The following NEBL variants were observed in gnomAD, a reference collection of about 807,000 sequenced individuals.
NEBL encodes nebulette.
In NEBL, 122 loss-of-function variants were observed where a neutral mutation model predicts 140.2. That is an observed-to-expected ratio of 0.87 (90% CI 0.75 to 1.01). NEBL has a LOEUF of 1.01. NEBL is among the 50% of genes least tolerant of loss of function. NEBL has a pLI of 0.00. For synonymous variants in NEBL, 436 were observed against 398.9 expected (o/e 1.09, Z -1.11); for missense variants, 1,365 against 1,231.3 (o/e 1.11, Z -1.62).
At chr10:20,911,273 A>G (rs1848322301) in intron 4 of NEBL, among the ~76,000 whole-genome samples, 1 of 152,222 alleles carries the variant, frequency 6.6e-6, no homozygotes, top group Non-Finnish European at 1.5e-5. Flanking sequence ...AGTAAATTCT[A>G]TCAGGATCCC....
chr10:21,115,189 T>C (rs879853769), intron 2 of NEBL, among the ~76,000 whole-genome samples: 7 of 152,034 alleles, frequency 4.6e-5, no homozygotes, highest in Admixed American at 3.9e-4. Flanking sequence ...TTTTTCCCTT[T>C]TGCCCCTTCC....
intron 22 of NEBL, among the ~76,000 whole-genome samples, chr10:20,815,027 T>C (rs1157477235): frequency 6.6e-6 from 1 of 152,202 alleles, no homozygotes; most frequent in Non-Finnish European, 1.5e-5. Flanking sequence ...TGAAACTGAT[T>C]AGGTGTAAGA....
chr10:21,164,468 C>T (rs899716337), intron 2 of NEBL, among the ~76,000 whole-genome samples: 2 of 152,178 alleles, frequency 1.3e-5, no homozygotes, highest in Admixed American at 1.3e-4. Context: ...AATCAATATA[C>T]CTTTAAGCAC....
At chr10:20,812,015 C>G (rs994855272) in intron 24 of NEBL, among the ~76,000 whole-genome samples, 5 of 152,158 alleles carry the variant, frequency 3.3e-5, no homozygotes, top group African/African-American at 1.2e-4. Flanking sequence ...AAAGTTTGCT[C>G]TCTTAATTGC....
At chr10:21,115,405 C>A (rs534115637) in intron 2 of NEBL, among the ~76,000 whole-genome samples, 118 of 152,104 alleles carry the variant, frequency 7.8e-4, no homozygotes, top group Admixed American at 5.0e-3. Flanking sequence ...TGTCTAAAAG[C>A]CTTCTGTTAA....
chr10:20,905,868 T>C (rs1444707032), intron 4 of NEBL, among the ~76,000 whole-genome samples: 1 of 152,150 alleles, frequency 6.6e-6, no homozygotes. Context: ...AAATCACTTA[T>C]CCTAACACAA....
chr10:21,028,567 G>A (rs1022671099), intron 2 of NEBL, among the ~76,000 whole-genome samples: 1 of 152,034 alleles, frequency 6.6e-6, no homozygotes, highest in Non-Finnish European at 1.5e-5. Context: ...AGTTGAGAGG[G>A]CATATGAGAA....
intron 2 of NEBL, among the ~76,000 whole-genome samples, chr10:21,120,311 G>C (rs1469199975): frequency 1.4e-5 from 2 of 146,334 alleles, no homozygotes; most frequent in Non-Finnish European, 3.0e-5. Context: ...GGAGGTCAAG[G>C]CTACAGTGAG....
chr10:21,157,725 GTA>G (rs2132144348), intron 2 of NEBL, among the ~76,000 whole-genome samples: 1 of 152,276 alleles, frequency 6.6e-6, no homozygotes, highest in East Asian at 1.9e-4. Flanking sequence ...AATTGTATAT[GTA>G]TTGGAGTCCA....
chr10:21,077,904 G>A (rs538733251), intron 2 of NEBL, among the ~76,000 whole-genome samples: 4 of 152,174 alleles, frequency 2.6e-5, no homozygotes, highest in Middle Eastern at 3.4e-3. Flanking sequence ...TCATGACCAC[G>A]AGAAAGTACT....
intron 4 of NEBL, among the ~76,000 whole-genome samples, chr10:20,882,549 G>A (rs1846112090): frequency 1.3e-5 from 2 of 152,302 alleles, no homozygotes; most frequent in South Asian, 2.1e-4. Context: ...GAATGACAGA[G>A]TAGAAATGCA....
Position 20,897,128 on chromosome 10 carries a change from G to T in NEBL, c.78C>A (p.Asp26Glu), listed in dbSNP as rs1327806177. ...EKIGEEENEE[D>E]QVFYKPVIED... ...GAGTATGTGTTTTCTCACTCACCTG[G>T]TCTTCTTCATTTTCTTCTTCCCCTA... Residue 26 changes from aspartate to glutamate, a missense_variant, in exon 1 of 28, where the codon GAC becomes GAA. Coordinates refer to ENST00000377122, the MANE Select transcript of NEBL (RefSeq NM_006393.3). 8 of 1,595,658 alleles carry T rather than the reference G, an allele frequency of 5.0e-6. No homozygotes were observed. In the East Asian group the frequency reaches 1.8e-4, roughly 36 times the overall value.
chr10:20,905,821 G>C (rs10764289), intron 4 of NEBL, among the ~76,000 whole-genome samples: 84,741 of 152,020 alleles, frequency 0.56, 25,021 homozygotes, highest in Non-Finnish European at 0.65. Flanking sequence ...TCAGCCTCCA[G>C]GATGTCAGGG....
At chr10:21,013,308 C>T (rs1257442378) in intron 3 of NEBL, among the ~76,000 whole-genome samples, 4 of 152,140 alleles carry the variant, frequency 2.6e-5, no homozygotes, top group African/African-American at 7.2e-5. Context: ...TGAAAATAAA[C>T]ATGCTGAAGC....
At chr10:20,944,129 T>A (rs1420548470) in intron 4 of NEBL, among the ~76,000 whole-genome samples, 4 of 152,230 alleles carry the variant, frequency 2.6e-5, no homozygotes, top group Non-Finnish European at 4.4e-5. Flanking sequence ...CCGGGCGCAG[T>A]GGCTCAATGC....
intron 20 of NEBL, 37 bp downstream of exon 20, chr10:20,819,387 G>A: frequency 6.2e-7 from 1 of 1,609,458 alleles, no homozygotes; most frequent in Non-Finnish European, 8.5e-7. Flanking sequence ...AATATGTTAT[G>A]TTTGAGAAAA....
intron 3 of NEBL, among the ~76,000 whole-genome samples, chr10:21,185,162 G>A (rs1481627666): frequency 6.6e-6 from 1 of 152,164 alleles, no homozygotes; most frequent in African/African-American, 2.4e-5. Flanking sequence ...CCAGTCCTCA[G>A]GACAAATTTT....
rs1046358381 is a variant in NEBL at position 21,031,417 on chromosome 10, C to T, written c.165-11216G>A. Among the ~76,000 whole-genome samples, 3 of 152,186 alleles carry T rather than the reference C, an allele frequency of 2.0e-5. 1 individual carries two copies. Among genetic ancestry groups the T allele is most frequent in the Middle Eastern group, 6.3e-3 (2 of 316 alleles). ...AGAGGACCGCAGGACAAAAACCAGG[C>T]ATAGCAATGAAGATTGGATGGACCA... is the stretch of plus-strand genomic sequence containing the variant. On this transcript the variant is annotated intron_variant, in intron 2 of 6. Transcript: ENST00000417816.
intron 3 of NEBL, among the ~76,000 whole-genome samples, chr10:21,014,018 G>T (rs1489359311): frequency 6.6e-6 from 1 of 152,128 alleles, no homozygotes; most frequent in East Asian, 1.9e-4. Flanking sequence ...GCTGCAGAAA[G>T]GTCTGCAGGC....
Sources: allele counts gnomAD v4.1 joint callset (sites outside exome capture counted in the v4.1 genomes callset), GRCh38; gene constraint gnomAD v4.1.1; transcripts MANE v1.5; gene names NCBI Gene and HGNC (gene_info 2026-07-23, HGNC 2026-07-21).